Variants in DGKH observed in about 807,000 individuals in gnomAD.
The protein encoded by DGKH is diacylglycerol kinase eta.
In DGKH, 90 loss-of-function variants were observed where a neutral mutation model predicts 159.3. The observed-to-expected ratio is 0.57, with a 90% CI of 0.48 to 0.67. DGKH has a LOEUF of 0.67. Ranked by LOEUF, DGKH falls within the 30% of genes least tolerant of loss-of-function variation. The probability of loss-of-function intolerance (pLI) is 0.00; values close to 1 mark genes in which losing one functional copy is unlikely to be tolerated. For missense variants in DGKH, 1,181 were observed against 1,506.1 expected (o/e 0.78, Z 3.57); for synonymous variants, 536 against 553.8 (o/e 0.97, Z 0.45).
chr13:42,242,681 T>C lies in DGKH; in HGVS notation c.*13493T>C, dbSNP rs1958535938. ...TTGGTGGCTTTGTTAATGTAGCTAGTAATTTTTATGACTACTAAGTGACCA... is the reference window on the plus strand; with the variant it reads ...TTGGTGGCTTTGTTAATGTAGCTAGCAATTTTTATGACTACTAAGTGACCA... On this transcript the variant is annotated 3_prime_UTR_variant, in exon 30 of 30. Transcript: ENST00000337343. 1 of 152,226 alleles carries C rather than the reference T, an allele frequency of 6.6e-6. No individual in the cohort carries two copies. The highest frequency in any genetic ancestry group is 2.4e-5 in the African/African-American group (1 of 41,462). The allele number at this position is 152,226 out of a possible 1,614,324, so 9.4% of individuals were successfully genotyped here.
At position 42,195,859 on chromosome 13, in the gene DGKH, GA is replaced by G. The variant is rs1281672610; in HGVS notation, c.2167+844del. On this transcript the variant is annotated intron_variant, in intron 17 of 29. Transcript: ENST00000337343. ...GTTTTGTGATTCAAAGGACACTATC[GA>G]GAAAGTGAAATGACAATTTAAGAAT... 3.3e-5 allele frequency: 5 copies of G among 152,258 alleles called. No individual in the cohort carries two copies. In the Middle Eastern group the frequency reaches 0.01, roughly 311 times the overall value. 9.4% of individuals were successfully genotyped at this position (152,258 alleles called of 1,614,324 possible). A position where few individuals can be genotyped will look rare whatever the true frequency, so the allele number is the denominator to read the frequency against.
chr13:42,195,098 C>A, intron 17 of DGKH, 82 bp downstream of exon 17: 1 of 1,499,062 alleles, frequency 6.7e-7, no homozygotes, highest in Non-Finnish European at 9.0e-7. Flanking sequence ...ACTGTGGAAA[C>A]ATGTTCTTAA....
In DGKH at chr13:42,214,528, T is replaced by C. The variant is rs1443995593; in HGVS notation, c.3036T>C (p.Ile1012=). The C allele has an allele frequency of 6.2e-7, 1 of 1,613,462 alleles. No homozygotes were observed. Among genetic ancestry groups the C allele is most frequent in the Non-Finnish European group, 8.5e-7 (1 of 1,179,660 alleles). ...LITRICDAAT[I]HCLLEQELAH... is the part of the protein sequence containing the mutation. ...TTAGGATATGTGACGCAGCCACAAT[T>C]CACTGTCTTTTGGAGCAAGAACTGG... Residue 1012 remains isoleucine (I), a synonymous_variant, in exon 25 of 30, where the codon ATT becomes ATC. Coordinates refer to ENST00000337343, the MANE Select transcript of DGKH (RefSeq NM_178009.5).
rs374098264 is a variant in DGKH at position 42,080,525 on chromosome 13, G to A, written c.192+31560G>A. Reference sequence around the variant, plus strand: ...GTAATGAAATGAATGAACTGTTTCCGTTTCTTGGTCATAATCTCTTGAAAA... The same window carrying A: ...GTAATGAAATGAATGAACTGTTTCCATTTCTTGGTCATAATCTCTTGAAAA... On this transcript the variant is annotated intron_variant, in intron 1 of 29. Transcript: ENST00000337343. 9.9e-5 allele frequency among the ~76,000 whole-genome samples: 15 copies of A among 152,214 alleles called. No individual in the cohort carries two copies. In the South Asian group the frequency reaches 2.1e-3, roughly 21 times the overall value.
chr13:42,177,829 A>AT (rs1305822735), intron 12 of DGKH, among the ~76,000 whole-genome samples: 3 of 151,952 alleles, frequency 2.0e-5, no homozygotes, highest in African/African-American at 7.3e-5. Context: ...TTTTTATTAG[A>AT]TTTTTTGGCT....
intron 29 of DGKH, among the ~76,000 whole-genome samples, chr13:42,250,678 G>A (rs1487819759): frequency 1.3e-5 from 2 of 152,080 alleles, no homozygotes; most frequent in Non-Finnish European, 2.9e-5. Context: ...ATATCCCTGC[G>A]GCACTTCAGC....
At chr13:42,186,882 G>C (rs1956942681) in intron 13 of DGKH, among the ~76,000 whole-genome samples, 167 bp from the exon 14 acceptor site, 9 of 152,088 alleles carry the variant, frequency 5.9e-5, no homozygotes. Context: ...AGAATGTCTT[G>C]GACTTATGTG....
At chr13:42,072,601 G>A (rs1369640119) in intron 1 of DGKH, among the ~76,000 whole-genome samples, 1 of 152,136 alleles carries the variant, frequency 6.6e-6, no homozygotes, top group South Asian at 2.1e-4. Flanking sequence ...TGAGACAGTG[G>A]CTTCCCATTA....
rs527463012 is a variant in DGKH at position 42,173,246 on chromosome 13, C to A, written c.1368-814C>A. On this transcript the variant is annotated intron_variant, in intron 11 of 29. Transcript: ENST00000337343. ...TCAGTCTCCCAAAGTGCTGGGATTACAGGCATGAGGCACCACACCTGGCCT... is the reference window on the plus strand; with the variant it reads ...TCAGTCTCCCAAAGTGCTGGGATTAAAGGCATGAGGCACCACACCTGGCCT... 4.6e-5 allele frequency among the ~76,000 whole-genome samples: 7 copies of A among 152,262 alleles called. No individual in the cohort carries two copies. The East Asian group carries it at 1.4e-3, about 29-fold the overall frequency.
At position 42,125,952 on chromosome 13, in the gene DGKH, G is replaced by A. The variant is rs141281458; in HGVS notation, c.193-1511G>A. Among the ~76,000 whole-genome samples the A allele has an allele frequency of 9.9e-3, 1,509 of 151,940 alleles. 21 individuals are homozygous for A. The highest frequency in any genetic ancestry group is 0.035 in the African/African-American group (1,445 of 41,228). ...AATTTTGGTTCTACAAGCTGTTTTT[G>A]TCTTGGAGGCTCACTATAGCACTGT... On this transcript the variant is annotated intron_variant, in intron 1 of 29. Coordinates refer to ENST00000337343, the MANE Select transcript of DGKH (RefSeq NM_178009.5).
upstream of DGKH, among the ~76,000 whole-genome samples, chr13:42,048,597 C>T (rs1006717832): frequency 6.6e-6 from 1 of 152,218 alleles, no homozygotes; most frequent in Non-Finnish European, 1.5e-5. This position sits in a 1 kb window ranked among gnomAD's most constrained non-coding sequence, Gnocchi z 6.7. Flanking sequence ...GGGTGGACCC[C>T]TGCCTGGAGG....
intron 3 of DGKH, among the ~76,000 whole-genome samples, chr13:42,131,810 T>A (rs920754787): frequency 2.6e-5 from 4 of 152,222 alleles, no homozygotes; most frequent in African/African-American, 7.2e-5. Flanking sequence ...GAGGGATTGT[T>A]AACTCATCCA....
rs1958517283 is a variant in DGKH at position 42,241,707 on chromosome 13, G to GCA, written c.*12519_*12520insCA. The GCA allele has an allele frequency of 6.6e-6, 1 of 152,222 alleles. No homozygotes were observed. The highest frequency in any genetic ancestry group is 1.5e-5 in the Non-Finnish European group (1 of 68,034). 9.4% of individuals were successfully genotyped at this position (152,222 alleles called of 1,614,324 possible). On this transcript the variant is annotated 3_prime_UTR_variant, in exon 30 of 30. Coordinates refer to ENST00000337343, the MANE Select transcript of DGKH (RefSeq NM_178009.5). ...GAGGCTCCATTTGAAGATGTGCGTT[G>GCA]ATGTTTCCTTGATTATTTTGAATGA...
At chr13:42,070,925 G>C in intron 1 of DGKH, 1 of 1,278,304 alleles carries the variant, frequency 7.8e-7, no homozygotes, top group Admixed American at 1.7e-5. Flanking sequence ...TTGACACTCT[G>C]GGGATTGGTA....
At chr13:42,224,862 A>T (rs533156066) in intron 29 of DGKH, among the ~76,000 whole-genome samples, 2 of 151,918 alleles carry the variant, frequency 1.3e-5, no homozygotes, top group African/African-American at 2.4e-5. Flanking sequence ...ACAACTAGAC[A>T]TAGTAACATG....
At position 42,221,364 on chromosome 13, in the gene DGKH, AC is replaced by A; in HGVS notation, c.3544del (p.Leu1182PhefsTer20). The A allele has an allele frequency of 6.2e-7, 1 of 1,613,740 alleles. No individual in the cohort carries two copies. The highest frequency in any genetic ancestry group is 1.1e-5 in the South Asian group (1 of 91,070). On this transcript the variant is annotated frameshift_variant, in exon 29 of 30. Transcript: ENST00000337343. LOFTEE classifies it high-confidence loss of function. ...FIRHDIRGAELLHLERRDLKD... is the reference protein window; with the variant it reads ...FIRHDIRGAEXLHLERRDLKD... ...TCCGTCATGACATCAGAGGGGCTGA[AC>A]TTTTGCATCTGGAAAGGCGAGATCT...
chr13:42,178,521 C>G (rs910783320), intron 13 of DGKH, among the ~76,000 whole-genome samples: 1 of 151,920 alleles, frequency 6.6e-6, no homozygotes. Context: ...TTTATGATTA[C>G]TTATAATATG....
In DGKH at chr13:42,210,673, C is replaced by T; in HGVS notation, c.2922C>T (p.Thr974=). ...KCDSGKPVLR[T]HLYIHHAIDL... is the part of the protein sequence containing the mutation. Reference sequence around the variant, plus strand: ...ATTCTGGTAAACCAGTTCTCCGAACCCATTTGTACATCCATCACGCCATTG... The same window carrying T: ...ATTCTGGTAAACCAGTTCTCCGAACTCATTTGTACATCCATCACGCCATTG... Residue 974 remains threonine, a synonymous_variant, in exon 24 of 30, where the codon ACC becomes ACT. Transcript: ENST00000337343. 6.2e-7 allele frequency: 1 copy of T among 1,612,054 alleles called. No individual in the cohort carries two copies. Among genetic ancestry groups the T allele is most frequent in the Non-Finnish European group, 8.5e-7 (1 of 1,179,922 alleles).
At position 42,230,752 on chromosome 13, in the gene DGKH, G is replaced by T. The variant is rs936340901; in HGVS notation, c.*1564G>T. 1 of 151,680 alleles carries T rather than the reference G, an allele frequency of 6.6e-6. No homozygotes were observed. Among genetic ancestry groups the T allele is most frequent in the African/African-American group, 2.4e-5 (1 of 41,294 alleles). 9.4% of individuals were successfully genotyped at this position (151,680 alleles called of 1,614,324 possible). ...TATATACCTACATACATATAACCTT[G>T]TGATATGGCATCATTGATATTTTCT... On this transcript the variant is annotated 3_prime_UTR_variant, in exon 30 of 30. Coordinates refer to ENST00000337343, the MANE Select transcript of DGKH (RefSeq NM_178009.5).
Sources: allele counts gnomAD v4.1 joint callset (sites outside exome capture counted in the v4.1 genomes callset), GRCh38; gene constraint gnomAD v4.1.1; non-coding constraint Gnocchi (gnomAD v3.1); transcripts MANE v1.5; gene names NCBI Gene and HGNC (gene_info 2026-07-23, HGNC 2026-07-21).